MEI1: variants seen among roughly 807,000 people sequenced by gnomAD.
MEI1 encodes the protein meiotic double-stranded break formation protein 1, also known as meiosis inhibitor protein 1.
Under a neutral mutation model 146.2 loss-of-function variants are expected in MEI1, and 103 were observed. The ratio of observed to expected loss-of-function variants is 0.70; its 90% CI spans 0.60 to 0.83. The LOEUF (loss-of-function observed/expected upper bound fraction) is 0.83, where lower values mean the gene tolerates loss of function less well. Ranked by LOEUF, MEI1 falls within the 40% of genes least tolerant of loss-of-function variation. The pLI, the probability that MEI1 is intolerant of heterozygous loss-of-function variation, is 0.00. For synonymous variants in MEI1, 652 were observed against 628.2 expected (o/e 1.04, Z -0.57); for missense variants, 1,529 against 1,533.0 (o/e 1.00, Z 0.04).
chr22:41,706,434 TTGAC>T (rs1182724900), intron 3 of MEI1, among the ~76,000 whole-genome samples: 1 of 152,180 alleles, frequency 6.6e-6, no homozygotes. Flanking sequence ...GGAGAAGAGA[TTGAC>T]TGACAGGCAA....
intron 21 of MEI1, among the ~76,000 whole-genome samples, chr22:41,776,592 C>T (rs895341098): frequency 6.6e-6 from 1 of 152,070 alleles, no homozygotes; most frequent in Non-Finnish European, 1.5e-5. Context: ...AGTGAGAAAT[C>T]TGGAGGAGGA....
intron 4 of MEI1, among the ~76,000 whole-genome samples, chr22:41,714,894 T>A (rs1465344403): frequency 6.6e-6 from 1 of 151,474 alleles, no homozygotes; most frequent in African/African-American, 2.4e-5. Flanking sequence ...AAAAAAAATA[T>A]CAGTTAAAGA....
chr22:41,704,624 G>T (rs1367670211), intron 2 of MEI1, among the ~76,000 whole-genome samples: 2 of 151,768 alleles, frequency 1.3e-5, no homozygotes, highest in Non-Finnish European at 2.9e-5. Context: ...ATGTTGGCCA[G>T]GCTGGTCTCG....
chr22:41,700,864 A>G (rs750951401), intron 1 of MEI1, among the ~76,000 whole-genome samples: 158 of 150,008 alleles, frequency 1.1e-3, no homozygotes, highest in Non-Finnish European at 1.9e-3. Context: ...GACCTCCCAA[A>G]GTCCAAAGTG....
chr22:41,714,084 A>G lies in MEI1; in HGVS notation c.423+9A>G. Reference sequence around the variant, plus strand: ...ATGAGTGCCACAAAGAGGTCAGAAAATAGCTATGGGTTCTTGAGTCTCTCA... The same window carrying G: ...ATGAGTGCCACAAAGAGGTCAGAAAGTAGCTATGGGTTCTTGAGTCTCTCA... On this transcript the variant is annotated intron_variant, in intron 4 of 30. Coordinates refer to ENST00000401548, the MANE Select transcript of MEI1 (RefSeq NM_152513.4). The G allele has an allele frequency of 1.3e-6, 2 of 1,591,176 alleles. No homozygotes were observed. The highest frequency in any genetic ancestry group is 1.7e-6 in the Non-Finnish European group (2 of 1,168,244).
chr22:41,735,047 C>G (rs547738019), intron 11 of MEI1, among the ~76,000 whole-genome samples: 4 of 147,624 alleles, frequency 2.7e-5, no homozygotes, highest in African/African-American at 1.0e-4. Context: ...CTGCAACCTC[C>G]GCCTCCCAGG....
chr22:41,727,514 C>G (rs2071462332), intron 7 of MEI1, among the ~76,000 whole-genome samples: 1 of 152,052 alleles, frequency 6.6e-6, no homozygotes, highest in Non-Finnish European at 1.5e-5. Flanking sequence ...GGGTAGACTC[C>G]TAGATTTGGA....
intron 6 of MEI1, among the ~76,000 whole-genome samples, chr22:41,722,573 T>G (rs1459469500): frequency 6.6e-6 from 1 of 151,216 alleles, no homozygotes; most frequent in Non-Finnish European, 1.5e-5. Flanking sequence ...CACTTCTCTA[T>G]CTGTCCCCAC....
chr22:41,779,013 C>T (rs2075615860), intron 22 of MEI1: 3 of 522,060 alleles, frequency 5.7e-6, no homozygotes, highest in South Asian at 4.3e-5. Flanking sequence ...GTTTGGGAGA[C>T]ACCCTACCTC....
At chr22:41,722,980 C>T (rs2070999444) in intron 6 of MEI1, among the ~76,000 whole-genome samples, 1 of 152,084 alleles carries the variant, frequency 6.6e-6, no homozygotes, top group South Asian at 2.1e-4. Flanking sequence ...TTTTTTTCCC[C>T]CAGCCATTCT....
Position 41,781,785 on chromosome 22 carries a change from C to G in MEI1, c.3027C>G (p.Leu1009=). The G allele has an allele frequency of 6.2e-7, 1 of 1,614,018 alleles. No homozygotes were observed. Among genetic ancestry groups the G allele is most frequent in the Non-Finnish European group, 8.5e-7 (1 of 1,179,910 alleles). Residue 1009 remains leucine, a synonymous_variant, in exon 24 of 31, where the codon CTC becomes CTG. Transcript: ENST00000401548. Reference sequence around the variant, plus strand: ...CAGATTCTCCCAGGACTGCACTCCTCTGCTCTGCCTGGCTGCTCACTGCCT... The same window carrying G: ...CAGATTCTCCCAGGACTGCACTCCTGTGCTCTGCCTGGCTGCTCACTGCCT... The part of the protein sequence containing the change: ...AKADSPRTAL[L]CSAWLLTASF...
chr22:41,747,364 G>GATTT (rs1422347714), intron 14 of MEI1: 2 of 152,650 alleles, frequency 1.3e-5, no homozygotes, highest in Non-Finnish European at 2.9e-5. Context: ...ACCAGTTACA[G>GATTT]ATTTATTTGT....
At chr22:41,742,939 C>T in intron 11 of MEI1, 141 bp from the exon 12 acceptor site, 1 of 592,562 alleles carries the variant, frequency 1.7e-6, no homozygotes, top group South Asian at 2.1e-5. Context: ...GCCACCATTC[C>T]TGGCCTGGAG....
intron 14 of MEI1, among the ~76,000 whole-genome samples, chr22:41,747,690 C>G (rs2147807485): frequency 6.6e-6 from 1 of 151,694 alleles, no homozygotes; most frequent in South Asian, 2.1e-4. Context: ...GGTGACAGAG[C>G]AAGACTCCGT....
At chr22:41,776,745 A>G (rs2075456524) in intron 21 of MEI1, among the ~76,000 whole-genome samples, 1 of 152,156 alleles carries the variant, frequency 6.6e-6, no homozygotes, top group Non-Finnish European at 1.5e-5. Flanking sequence ...TTGGTACAGT[A>G]TGGAGACACT....
At position 41,793,911 on chromosome 22, in the gene MEI1, G is replaced by A; in HGVS notation, c.3427+1G>A. On this transcript the variant is annotated splice_donor_variant, in intron 27 of 30. Coordinates refer to ENST00000401548, the MANE Select transcript of MEI1 (RefSeq NM_152513.4). LOFTEE classifies it high-confidence loss of function. ...CTGGATGCCCGGAGCCCAGACATTG[G>A]TAGAAACTCTCCACATTATCTGATG... 6.2e-7 allele frequency: 1 copy of A among 1,610,850 alleles called. No individual in the cohort carries two copies. Among genetic ancestry groups the A allele is most frequent in the Non-Finnish European group, 8.5e-7 (1 of 1,178,442 alleles).
chr22:41,732,342 C>T lies in MEI1; in HGVS notation c.1194C>T (p.Thr398=). 3 of 1,613,118 alleles carry T rather than the reference C, an allele frequency of 1.9e-6. No homozygotes were observed. Among genetic ancestry groups the T allele is most frequent in the East Asian group, 4.5e-5 (2 of 44,858 alleles). ...TGCTGCTTTTCGCTGAAATCCTGACCCGGTGAGCAAAGTGGTGGAACATGA... is the reference window on the plus strand; with the variant it reads ...TGCTGCTTTTCGCTGAAATCCTGACTCGGTGAGCAAAGTGGTGGAACATGA... The part of the protein sequence containing the change: ...QGLLLFAEIL[T]RQPEEIKLFT... The change falls in exon 10 of 31, where the codon ACC becomes ACT. Residue 398 remains threonine (T), a splice_region_variant and synonymous_variant. Transcript: ENST00000401548.
At chr22:41,740,365 G>A (rs181210801) in intron 11 of MEI1, among the ~76,000 whole-genome samples, 6 of 152,144 alleles carry the variant, frequency 3.9e-5, no homozygotes, top group Admixed American at 2.0e-4. Context: ...GTTTACTGAC[G>A]TGGTCCCTCT....
rs1245070422 is a variant in MEI1 at position 41,705,549 on chromosome 22, T to C, written c.344T>C (p.Ile115Thr). ...MEDGSVTDLCIEVLIQITTQL... is the reference protein window; with the variant it reads ...MEDGSVTDLCTEVLIQITTQL... ...GATGGGAGTGTGACAGACCTCTGTA[T>C]TGAAGGTAAGTTGAAACCTTGTATC... is the stretch of plus-strand genomic sequence containing the variant. Residue 115 changes from isoleucine to threonine, a missense_variant, in exon 3 of 31, where the codon ATT becomes ACT. Physicochemically the swap from Ile to Thr is moderately conservative, Grantham distance 89. Around this residue, in one of 3 missense-constraint regions of MEI1, gnomAD observed 1,212 missense variants for 1,178.9 expected, o/e 1.03. Transcript: ENST00000401548. 1.2e-6 allele frequency: 2 copies of C among 1,613,338 alleles called. No homozygotes were observed.
Sources: allele counts gnomAD v4.1 joint callset (sites outside exome capture counted in the v4.1 genomes callset), GRCh38; gene constraint gnomAD v4.1.1; regional missense constraint gnomAD v4.1.1; transcripts MANE v1.5; gene names NCBI Gene and HGNC (gene_info 2026-07-23, HGNC 2026-07-21).